The following RYR2 variants were observed in gnomAD, a reference collection of about 807,000 sequenced individuals.
RYR2 encodes cardiac muscle ryanodine receptor-calcium release channel.
A neutral mutation model predicts 601.1 loss-of-function variants in RYR2; 227 were observed. The ratio of observed to expected loss-of-function variants is 0.38; its 90% CI spans 0.34 to 0.42. The LOEUF is 0.42. RYR2 is among the 10% of genes least tolerant of loss of function. The pLI is 1.00. For synonymous variants in RYR2, 2,223 were observed against 2,175.1 expected (o/e 1.02, Z -0.61); for missense variants, 4,646 against 6,156.5 (o/e 0.75, Z 8.21).
At chr1:237,059,565 T>G (rs1165383453) in intron 1 of RYR2, among the ~76,000 whole-genome samples, 1 of 152,190 alleles carries the variant, frequency 6.6e-6, no homozygotes, top group Middle Eastern at 3.2e-3. Context: ...TGAAGTGTTT[T>G]TGATAAGATT....
intron 100 of RYR2, among the ~76,000 whole-genome samples, chr1:237,810,793 GGAGA>G (rs1661171028): frequency 6.6e-6 from 1 of 151,786 alleles, no homozygotes; most frequent in Non-Finnish European, 1.5e-5. Context: ...ATACAGATAT[GGAGA>G]GATATATAAA....
chr1:237,480,962 T>G (rs1661998737), intron 17 of RYR2, among the ~76,000 whole-genome samples: 2 of 152,144 alleles, frequency 1.3e-5, no homozygotes, highest in Admixed American at 1.3e-4. Flanking sequence ...TTTTGGAGCT[T>G]TATGAGTGCT....
chr1:237,537,693 A>G (rs1398846555), intron 25 of RYR2, among the ~76,000 whole-genome samples: 2 of 152,234 alleles, frequency 1.3e-5, no homozygotes, highest in East Asian at 1.9e-4. Context: ...AGATAGATTC[A>G]AAGGACAAAT....
intron 4 of RYR2, among the ~76,000 whole-genome samples, chr1:237,359,726 A>C (rs1373963418): frequency 6.6e-6 from 1 of 151,734 alleles, no homozygotes; most frequent in African/African-American, 2.4e-5. Flanking sequence ...CTCTTTGAGC[A>C]GCTGTGCATC....
rs865906311 is a variant in RYR2 at position 237,376,543 on chromosome 1, G to A, written c.464-780G>A. Among the ~76,000 whole-genome samples, 4 of 151,276 alleles carry A rather than the reference G, an allele frequency of 2.6e-5. No homozygotes were observed. In the South Asian group the frequency reaches 6.3e-4, roughly 24 times the overall value. ...ACGGATATCATGAAAACACTCCTCT[G>A]ATTTTGGGATAGAAGTTGCATTTAG... is the stretch of plus-strand genomic sequence containing the variant. On this transcript the variant is annotated intron_variant, in intron 7 of 104. Coordinates refer to ENST00000366574, the MANE Select transcript of RYR2 (RefSeq NM_001035.3).
At chr1:237,725,827 C>A (rs1690146603) in intron 74 of RYR2, among the ~76,000 whole-genome samples, 1 of 152,030 alleles carries the variant, frequency 6.6e-6, no homozygotes, top group Non-Finnish European at 1.5e-5. Context: ...GCCTTAGGAA[C>A]TTAAAATATG....
chr1:237,579,203 G>A (rs1673604498), intron 29 of RYR2, among the ~76,000 whole-genome samples: 1 of 147,548 alleles, frequency 6.8e-6, no homozygotes, highest in African/African-American at 2.5e-5. Context: ...TCTTTGCCTT[G>A]TGCTCTCTTC....
At chr1:237,120,116 T>C (rs1160088905) in intron 1 of RYR2, among the ~76,000 whole-genome samples, 1 of 152,226 alleles carries the variant, frequency 6.6e-6, no homozygotes. Flanking sequence ...TTAGCAAATT[T>C]GTCAGCTTCC....
chr1:237,631,843 T>A (rs180837329), intron 42 of RYR2, among the ~76,000 whole-genome samples: 1 of 141,162 alleles, frequency 7.1e-6, no homozygotes, highest in Non-Finnish European at 1.5e-5. Flanking sequence ...TTAGCCAGGA[T>A]GGTCTCGATC....
intron 52 of RYR2, among the ~76,000 whole-genome samples, chr1:237,654,936 C>T (rs1445129308): frequency 1.3e-5 from 2 of 152,186 alleles, no homozygotes; most frequent in East Asian, 3.8e-4. Flanking sequence ...TTTCAGATGA[C>T]TGACAGGTGT....
chr1:237,283,742 A>G (rs1691145851), intron 2 of RYR2, among the ~76,000 whole-genome samples: 1 of 152,222 alleles, frequency 6.6e-6, no homozygotes, highest in African/African-American at 2.4e-5. Flanking sequence ...TTAATCCTAT[A>G]TAGATTGATA....
intron 2 of RYR2, among the ~76,000 whole-genome samples, chr1:237,323,839 C>A (rs940424718): frequency 1.3e-5 from 2 of 152,122 alleles, no homozygotes; most frequent in East Asian, 1.9e-4. Flanking sequence ...GATTTAAGAC[C>A]GGGGAAAACC....
In RYR2 at chr1:237,104,280, G is replaced by A. The variant is rs182225548; in HGVS notation, c.48+61711G>A. Among the ~76,000 whole-genome samples, 84 of 152,180 alleles carry A rather than the reference G, an allele frequency of 5.5e-4. 1 individual carries two copies. Among genetic ancestry groups the A allele is most frequent in the Admixed American group, 4.3e-3 (66 of 15,278 alleles). On this transcript the variant is annotated intron_variant, in intron 1 of 104. Coordinates refer to ENST00000366574, the MANE Select transcript of RYR2 (RefSeq NM_001035.3). ...CTTGGAAGCAAGCATCCCTCAGTAG[G>A]GACAAGGCTCCAGCTGTCCCTTTCA...
chr1:237,823,385 C>G (rs1414155799), intron 101 of RYR2, among the ~76,000 whole-genome samples: 1 of 152,176 alleles, frequency 6.6e-6, no homozygotes, highest in Non-Finnish European at 1.5e-5. Flanking sequence ...TCACTTAAAA[C>G]TGCACAACTA....
intron 1 of RYR2, among the ~76,000 whole-genome samples, chr1:237,252,981 A>G (rs1018761783): frequency 6.6e-6 from 1 of 152,126 alleles, no homozygotes; most frequent in African/African-American, 2.4e-5. Context: ...CCTGGCCAAC[A>G]TTATGAAACT....
chr1:237,496,298 T>C (rs1264825020), intron 19 of RYR2, among the ~76,000 whole-genome samples: 2 of 152,160 alleles, frequency 1.3e-5, no homozygotes, highest in African/African-American at 4.8e-5. Context: ...GTGCCAGTTA[T>C]TCAGGAGGCT....
chr1:237,494,159 A>G (rs1472243438), intron 19 of RYR2, among the ~76,000 whole-genome samples: 2 of 152,142 alleles, frequency 1.3e-5, no homozygotes, highest in Non-Finnish European at 2.9e-5. Flanking sequence ...ATTGACTCAC[A>G]TGATCACCAG....
At chr1:237,718,727 T>G (rs1383452721) in intron 73 of RYR2, among the ~76,000 whole-genome samples, 1 of 152,210 alleles carries the variant, frequency 6.6e-6, no homozygotes, top group Non-Finnish European at 1.5e-5. Flanking sequence ...CCAGAGATTG[T>G]CAAATTTTGG....
chr1:237,510,326 G>T (rs1390411844), intron 23 of RYR2, among the ~76,000 whole-genome samples: 1 of 152,230 alleles, frequency 6.6e-6, no homozygotes, highest in African/African-American at 2.4e-5. Context: ...TTGAGAAGAT[G>T]ATGGTGTTGG....
Sources: gnomAD v4.1 joint callset for allele counts (sites outside exome capture counted in the v4.1 genomes callset) on GRCh38, gnomAD v4.1.1 for gene constraint, MANE v1.5 for transcripts, NCBI Gene and HGNC (gene_info 2026-07-23, HGNC 2026-07-21) for gene names.